Variants in ANO4 observed in about 807,000 individuals in gnomAD.
ANO4 encodes anoctamin 4.
ANO4 carries 69 observed loss-of-function variants against 141.9 expected under a neutral mutation model. The ratio of observed to expected loss-of-function variants is 0.49; its 90% CI spans 0.40 to 0.59. The LOEUF (loss-of-function observed/expected upper bound fraction) is 0.59, where lower values mean the gene tolerates loss of function less well. Among genes scored for constraint, ANO4 ranks in the 20% least tolerant of loss-of-function variants. ANO4 has a pLI of 0.00. For synonymous variants in ANO4, 350 were observed against 394.3 expected, an observed-to-expected ratio of 0.89 and a Z score of 1.33; for missense variants, 894 against 1,162.2, an observed-to-expected ratio of 0.77 and a Z score of 3.36.
intron 18 of ANO4, among the ~76,000 whole-genome samples, chr12:101,094,968 G>A (rs2049921768): frequency 1.3e-5 from 2 of 152,080 alleles, no homozygotes; most frequent in Admixed American, 1.3e-4. Context: ...GAACAATCTG[G>A]TAACCAGTAA....
chr12:100,793,848 G>T (rs1027743765), upstream of ANO4, among the ~76,000 whole-genome samples: 3 of 152,144 alleles, frequency 2.0e-5, no homozygotes, highest in Non-Finnish European at 4.4e-5. Flanking sequence ...TAGGGGAAAA[G>T]GGAAGTAGGA....
At chr12:100,912,350 A>G (rs992079826) in intron 2 of ANO4, among the ~76,000 whole-genome samples, 8 of 147,338 alleles carry the variant, frequency 5.4e-5, no homozygotes, top group Non-Finnish European at 1.2e-4. Flanking sequence ...AGCCAAGATC[A>G]TGCCACTGCA....
intron 13 of ANO4, among the ~76,000 whole-genome samples, chr12:101,044,722 G>A (rs758271085): frequency 3.3e-5 from 5 of 152,174 alleles, no homozygotes; most frequent in Admixed American, 6.5e-5. Context: ...GAGGAGCCCA[G>A]ACTGCAGCAG....
At chr12:100,770,362 T>C (rs2033245596) in intron 3 of ANO4, among the ~76,000 whole-genome samples, 1 of 152,246 alleles carries the variant, frequency 6.6e-6, no homozygotes, top group African/African-American at 2.4e-5. Flanking sequence ...TGAAAATTAC[T>C]GGCCTAAGAG....
At chr12:100,958,614 A>G (rs143817850) in intron 5 of ANO4, among the ~76,000 whole-genome samples, 114 of 152,300 alleles carry the variant, frequency 7.5e-4, no homozygotes, top group African/African-American at 2.5e-3. Context: ...TTGGGAGGCC[A>G]AGGTGGAAGG....
chr12:100,862,679 T>G (rs1050456428), intron 1 of ANO4, among the ~76,000 whole-genome samples: 1 of 152,208 alleles, frequency 6.6e-6, no homozygotes, highest in Non-Finnish European at 1.5e-5. Flanking sequence ...TACACTTTTA[T>G]GCAACTGGCA....
At chr12:101,037,571 G>T (rs1290616970) in intron 10 of ANO4, among the ~76,000 whole-genome samples, 1 of 152,042 alleles carries the variant, frequency 6.6e-6, no homozygotes, top group Non-Finnish European at 1.5e-5. Flanking sequence ...GTAACCAACG[G>T]GTGACAAATA....
chr12:100,951,285 A>G (rs1185043996), intron 5 of ANO4, among the ~76,000 whole-genome samples: 1 of 152,172 alleles, frequency 6.6e-6, no homozygotes, highest in East Asian at 1.9e-4. Context: ...AGATTCTTCA[A>G]AGAGCTAAAA....
chr12:100,836,589 T>C (rs2135792514), intron 1 of ANO4, among the ~76,000 whole-genome samples: 1 of 149,858 alleles, frequency 6.7e-6, no homozygotes, highest in South Asian at 2.1e-4. Context: ...TATCATATAG[T>C]GTGATACGGG....
chr12:101,086,753 A>C lies in ANO4; in HGVS notation c.1630A>C (p.Asn544His). The C allele has an allele frequency of 1.2e-6, 2 of 1,613,886 alleles. No homozygotes were observed. The highest frequency in any genetic ancestry group is 1.7e-6 in the Non-Finnish European group (2 of 1,179,826). The change falls in exon 17 of 28, where the codon AAT (asparagine) becomes CAT (histidine). Residue 544 changes from asparagine to histidine, a missense_variant. Physicochemically the swap from Asn to His is moderately conservative, Grantham distance 68. Coordinates refer to ENST00000392977, the MANE Select transcript of ANO4 (RefSeq NM_001286615.2). The part of the protein sequence containing the change: ...FAAFKWALIR[N>H]NSQVATTGTA... ...TGCCTTTAAGTGGGCGTTAATCAGGAATAACTCTCAGGTTGCAACCACAGG... is the reference window on the plus strand; with the variant it reads ...TGCCTTTAAGTGGGCGTTAATCAGGCATAACTCTCAGGTTGCAACCACAGG...
intron 16 of ANO4, among the ~76,000 whole-genome samples, chr12:101,084,052 C>CT (rs1349580374): frequency 2.0e-5 from 3 of 152,192 alleles, no homozygotes; most frequent in Admixed American, 2.0e-4. Context: ...CAGTAGGTAG[C>CT]TAAGAGCTGA....
At chr12:100,805,460 A>C (rs2034953344) in intron 1 of ANO4, among the ~76,000 whole-genome samples, 1 of 152,180 alleles carries the variant, frequency 6.6e-6, no homozygotes, top group Non-Finnish European at 1.5e-5. Flanking sequence ...TATGAATTTA[A>C]AAAATAGTTT....
intron 7 of ANO4, among the ~76,000 whole-genome samples, chr12:100,977,598 G>A (rs753492902): frequency 2.6e-5 from 4 of 152,170 alleles, no homozygotes; most frequent in Admixed American, 1.3e-4. Context: ...CAAATTCTGC[G>A]GGTGCAGATG....
intron 3 of ANO4, among the ~76,000 whole-genome samples, chr12:100,754,303 T>A (rs1245123403): frequency 6.6e-6 from 1 of 152,234 alleles, no homozygotes; most frequent in Admixed American, 6.5e-5. Context: ...AAGTCTATGC[T>A]CTTTTCTTTA....
chr12:100,945,510 C>T (rs1235275925), intron 5 of ANO4, among the ~76,000 whole-genome samples: 4 of 152,182 alleles, frequency 2.6e-5, no homozygotes, highest in African/African-American at 9.7e-5. Context: ...TAAAGTGATT[C>T]CCTTCTTAAA....
At chr12:100,856,560 G>A (rs2038183238) in intron 1 of ANO4, among the ~76,000 whole-genome samples, 2 of 152,070 alleles carry the variant, frequency 1.3e-5, no homozygotes, top group Non-Finnish European at 2.9e-5. Flanking sequence ...ATGAGTAAAG[G>A]GTATTTTGAG....
intron 18 of ANO4, among the ~76,000 whole-genome samples, chr12:101,094,861 C>G (rs1308266930): frequency 6.6e-6 from 1 of 152,064 alleles, no homozygotes; most frequent in East Asian, 1.9e-4. Flanking sequence ...GTGGCATGTA[C>G]CTGTAGTCTC....
chr12:101,004,277 AC>A (rs1246811583), intron 8 of ANO4, among the ~76,000 whole-genome samples: 1 of 152,044 alleles, frequency 6.6e-6, no homozygotes, highest in African/African-American at 2.4e-5. Flanking sequence ...GGTTATCGGA[AC>A]CAAGATGCTC....
chr12:101,123,253 A>G (rs1169029026), intron 26 of ANO4, among the ~76,000 whole-genome samples: 1 of 152,216 alleles, frequency 6.6e-6, no homozygotes, highest in African/African-American at 2.4e-5. Context: ...TTTAAAGAAG[A>G]TATTTTTAAC....
Sources: allele counts gnomAD v4.1 joint callset (sites outside exome capture counted in the v4.1 genomes callset), GRCh38; gene constraint gnomAD v4.1.1; transcripts MANE v1.5; gene names NCBI Gene and HGNC (gene_info 2026-07-23, HGNC 2026-07-21).